Variants in TMEM254 observed in about 807,000 individuals in gnomAD.
The protein encoded by TMEM254 is transmembrane protein 254.
Under a neutral mutation model 13.9 loss-of-function variants are expected in TMEM254, and 16 were observed. The ratio of observed to expected loss-of-function variants is 1.15; its 90% CI spans 0.78 to 1.75. The LOEUF (loss-of-function observed/expected upper bound fraction) is 1.75. Ranked by LOEUF, TMEM254 falls within the 40% of genes most tolerant of loss-of-function variation. TMEM254 has a pLI of 0.00. For synonymous variants in TMEM254, 61 were observed against 56.4 expected (o/e 1.08, Z -0.36); for missense variants, 155 against 149.0 (o/e 1.04, Z -0.21).
intron 3 of TMEM254, chr10:80,086,541 A>T (rs969316532): frequency 1.5e-5 from 3 of 204,886 alleles, no homozygotes; most frequent in African/African-American, 7.0e-5. Flanking sequence ...CTAAAAACTC[A>T]GCTAATAAAA....
At chr10:80,090,017 AAAAAG>A (rs1844504976) in intron 3 of TMEM254, among the ~76,000 whole-genome samples, 1 of 152,214 alleles carries the variant, frequency 6.6e-6, no homozygotes, top group South Asian at 2.1e-4. Flanking sequence ...AAAAAAAAAA[AAAAAG>A]AAATTTGTCA....
intron 3 of TMEM254, among the ~76,000 whole-genome samples, chr10:80,085,273 A>C (rs577810199): frequency 1.8e-4 from 27 of 152,208 alleles, no homozygotes; most frequent in African/African-American, 6.3e-4. Context: ...TTGAATTATG[A>C]GATGAGTTGG....
At chr10:80,083,396 G>A (rs1844149872) in intron 3 of TMEM254, among the ~76,000 whole-genome samples, 1 of 152,174 alleles carries the variant, frequency 6.6e-6, no homozygotes, top group African/African-American at 2.4e-5. Flanking sequence ...ATGAGCCACT[G>A]TGCCTGGCCA....
intron 1 of TMEM254, 136 bp downstream of exon 1, chr10:80,078,922 G>C (rs1449283439): frequency 7.9e-6 from 12 of 1,523,802 alleles, no homozygotes; most frequent in Non-Finnish European, 1.1e-5. Context: ...TAGGAGCGGA[G>C]GGGAGGGGAC....
intron 3 of TMEM254, chr10:80,090,478 T>A (rs1210232375): frequency 1.5e-5 from 11 of 716,372 alleles, no homozygotes; most frequent in Non-Finnish European, 2.3e-5. Context: ...TGCAAAACAT[T>A]TGCTCTGAAA....
chr10:80,090,290 C>T (rs915661362), intron 3 of TMEM254: 1 of 692,174 alleles, frequency 1.4e-6, no homozygotes, highest in Non-Finnish European at 2.7e-6. Flanking sequence ...GACTGTGTGC[C>T]AGGCTCCTTC....
intron 1 of TMEM254, chr10:80,079,198 T>TGGGG: frequency 3.1e-6 from 1 of 322,140 alleles, no homozygotes; most frequent in Non-Finnish European, 5.3e-6. Context: ...AGGCGTGGGG[T>TGGGG]GGGGCGGGGC....
At chr10:80,089,381 A>G (rs1844465544) in intron 3 of TMEM254, among the ~76,000 whole-genome samples, 1 of 152,096 alleles carries the variant, frequency 6.6e-6, no homozygotes, top group African/African-American at 2.4e-5. Flanking sequence ...TTAAAAATGG[A>G]TGTTGGATGT....
chr10:80,081,675 AG>A, intron 1 of TMEM254, 165 bp from the exon 2 acceptor site: 1 of 1,431,220 alleles, frequency 7.0e-7, no homozygotes, highest in Admixed American at 2.0e-5. Flanking sequence ...CAAAAAAAAA[AG>A]AAAGAAAGAA....
At chr10:80,082,977 G>A (rs1342882476) in intron 3 of TMEM254, among the ~76,000 whole-genome samples, 2 of 151,680 alleles carry the variant, frequency 1.3e-5, no homozygotes, top group Non-Finnish European at 2.9e-5. Flanking sequence ...ATAAGATACT[G>A]TATTGCTATT....
chr10:80,081,669 A>G, intron 1 of TMEM254, 172 bp from the exon 2 acceptor site: 1 of 1,558,858 alleles, frequency 6.4e-7, no homozygotes, highest in Non-Finnish European at 8.7e-7. Flanking sequence ...CCCTGTCAAA[A>G]AAAAAAGAAA....
At chr10:80,080,648 A>T (rs1656970964) in intron 1 of TMEM254, among the ~76,000 whole-genome samples, 1 of 152,290 alleles carries the variant, frequency 6.6e-6, no homozygotes, top group African/African-American at 2.4e-5. Context: ...GAATGTATTA[A>T]TAGGAGTCAG....
chr10:80,081,772 C>G (rs1171708631), intron 1 of TMEM254, 69 bp from the exon 2 acceptor site: 5 of 1,608,920 alleles, frequency 3.1e-6, no homozygotes, highest in Admixed American at 3.4e-5. Flanking sequence ...CAGCCTTTCT[C>G]AAAAACAAAA....
intron 3 of TMEM254, among the ~76,000 whole-genome samples, chr10:80,085,059 A>G (rs367701464): frequency 2.0e-4 from 31 of 152,142 alleles, no homozygotes; most frequent in African/African-American, 6.7e-4. Context: ...TGACCTCGTA[A>G]TCCGCCCACC....
At position 80,078,869 on chromosome 10, in the gene TMEM254, G is replaced by A. The variant is rs1589375516; in HGVS notation, c.87+83G>A. ...CCAGGACCTGGGCTCACAGGCCGCGGGCCGGGGGAAGTCGTGCAAGCACAA... is the reference window on the plus strand; with the variant it reads ...CCAGGACCTGGGCTCACAGGCCGCGAGCCGGGGGAAGTCGTGCAAGCACAA... On this transcript the variant is annotated intron_variant, in intron 1 of 3. Coordinates refer to ENST00000372281, the MANE Select transcript of TMEM254 (RefSeq NM_025125.4). 2.1e-5 allele frequency: 32 copies of A among 1,537,922 alleles called. No homozygotes were observed. In the East Asian group the frequency reaches 7.1e-4, roughly 34 times the overall value.
intron 3 of TMEM254, chr10:80,086,330 A>T: frequency 8.4e-7 from 1 of 1,189,950 alleles, no homozygotes; most frequent in Non-Finnish European, 1.1e-6. Context: ...ACCAACTGTG[A>T]CCCTTCTGAA....
Position 80,081,771 on chromosome 10 carries a change from T to C in TMEM254, c.88-70T>C, listed in dbSNP as rs1455569281. On this transcript the variant is annotated intron_variant, in intron 1 of 3. Coordinates refer to ENST00000372281, the MANE Select transcript of TMEM254 (RefSeq NM_025125.4). ...TTTTTTTACTGTTTCACAGCCTTTC[T>C]CAAAAACAAAAACAAAAAACAGGTT... is the stretch of plus-strand genomic sequence containing the variant. The C allele has an allele frequency of 9.3e-6, 15 of 1,609,596 alleles. No homozygotes were observed. The East Asian group carries it at 3.1e-4, about 33-fold the overall frequency.
chr10:80,090,715 AAAT>A (rs1313591712), intron 3 of TMEM254, 79 bp from the exon 4 acceptor site: 342 of 1,348,434 alleles, frequency 2.5e-4, no homozygotes, highest in Non-Finnish European at 3.4e-4. Context: ...ATAATTTAAA[AAAT>A]ATATATATAG....
In TMEM254 at chr10:80,091,063, G is replaced by A; in HGVS notation, c.*146G>A. On this transcript the variant is annotated 3_prime_UTR_variant, in exon 4 of 4. Transcript: ENST00000372281. ...CTCTTTAAGACCCCCTCGTTAGTCA[G>A]TTTTTTCTCTTATATGCTCTGGTTG... is the stretch of plus-strand genomic sequence containing the variant. 9.9e-7 allele frequency: 1 copy of A among 1,011,030 alleles called. No individual in the cohort carries two copies. Among genetic ancestry groups the A allele is most frequent in the South Asian group, 1.8e-5 (1 of 56,778 alleles). 62.6% of individuals were successfully genotyped at this position (1,011,030 alleles called of 1,614,324 possible).
Sources: allele counts gnomAD v4.1 joint callset (sites outside exome capture counted in the v4.1 genomes callset), GRCh38; gene constraint gnomAD v4.1.1; transcripts MANE v1.5; gene names NCBI Gene and HGNC (gene_info 2026-07-23, HGNC 2026-07-21).